Variants in DPY19L2 observed in about 807,000 individuals in gnomAD.
DPY19L2 encodes the protein probable C-mannosyltransferase DPY19L2.
A neutral mutation model predicts 97.9 loss-of-function variants in DPY19L2; 34 were observed. That is an observed-to-expected ratio of 0.35 (90% CI 0.26 to 0.46). The LOEUF (loss-of-function observed/expected upper bound fraction) is 0.46. Ranked by LOEUF, DPY19L2 falls within the 20% of genes least tolerant of loss-of-function variation. The pLI is 1.00. For synonymous variants in DPY19L2, 230 were observed against 307.9 expected (o/e 0.75, Z 2.65); for missense variants, 623 against 911.4 (o/e 0.68, Z 4.07).
At chr12:63,642,220 T>C (rs1892798463) in intron 6 of DPY19L2, among the ~76,000 whole-genome samples, 1 of 152,160 alleles carries the variant, frequency 6.6e-6, no homozygotes, top group East Asian at 1.9e-4. Context: ...TAAATATTTA[T>C]CAAATTAATG....
intron 11 of DPY19L2, among the ~76,000 whole-genome samples, chr12:63,611,757 A>C (rs2137687249): frequency 6.6e-6 from 1 of 152,204 alleles, no homozygotes; most frequent in African/African-American, 2.4e-5. Flanking sequence ...ACAAAAATAA[A>C]CATAGGCTCC....
intron 3 of DPY19L2, among the ~76,000 whole-genome samples, chr12:63,662,392 G>A (rs1167563789): frequency 2.6e-5 from 4 of 151,900 alleles, no homozygotes; most frequent in Non-Finnish European, 5.9e-5. Context: ...GGCAAAATAT[G>A]AATTCATAAA....
chr12:63,644,589 A>G (rs3857741), intron 5 of DPY19L2, 93 bp from the exon 6 acceptor site: 938,054 of 1,498,920 alleles, frequency 0.63, 295,311 homozygotes, highest in East Asian at 0.76. Context: ...TCAAGAGCTC[A>G]TGAATTTGCT....
intron 6 of DPY19L2, among the ~76,000 whole-genome samples, chr12:63,638,956 C>G (rs74422623): frequency 0.08 from 12,243 of 152,094 alleles, 775 homozygotes; most frequent in African/African-American, 0.17. Flanking sequence ...TCAAACTATA[C>G]TACAAGGCTA....
intron 6 of DPY19L2, among the ~76,000 whole-genome samples, chr12:63,638,313 C>T (rs1892103837): frequency 6.6e-6 from 1 of 152,162 alleles, no homozygotes; most frequent in Admixed American, 6.6e-5. Flanking sequence ...CAGGGTTGCC[C>T]TCTCTCACCA....
intron 1 of DPY19L2, among the ~76,000 whole-genome samples, chr12:63,666,145 TG>T (rs1278498125): frequency 2.6e-5 from 4 of 152,138 alleles, no homozygotes; most frequent in African/African-American, 9.7e-5. Flanking sequence ...TGGATGATTG[TG>T]ACCTTTTTTG....
intron 21 of DPY19L2, among the ~76,000 whole-genome samples, chr12:63,561,498 T>C (rs972733040): frequency 6.6e-6 from 1 of 152,134 alleles, no homozygotes; most frequent in African/African-American, 2.4e-5. Context: ...TTTTCTAGAA[T>C]TTCATATAAA....
intron 4 of DPY19L2, among the ~76,000 whole-genome samples, chr12:63,655,633 AG>A (rs1438943951): frequency 6.6e-6 from 1 of 151,990 alleles, no homozygotes; most frequent in Admixed American, 6.6e-5. Flanking sequence ...GGACCATATC[AG>A]GATCTGTGGC....
intron 13 of DPY19L2, among the ~76,000 whole-genome samples, chr12:63,599,424 T>C (rs946922018): frequency 2.6e-5 from 4 of 152,052 alleles, no homozygotes; most frequent in African/African-American, 4.8e-5. Context: ...CATGCAAAAC[T>C]AGCAATAAAT....
At chr12:63,664,386 C>T (rs1896079359) in intron 2 of DPY19L2, among the ~76,000 whole-genome samples, 1 of 151,892 alleles carries the variant, frequency 6.6e-6, no homozygotes, top group Non-Finnish European at 1.5e-5. Context: ...ATCTAAAATT[C>T]TTGTGGCTTT....
intron 8 of DPY19L2, 55 bp downstream of exon 8, chr12:63,623,985 T>G: frequency 7.1e-7 from 1 of 1,412,556 alleles, no homozygotes; most frequent in East Asian, 2.5e-5. Flanking sequence ...TTGAAGTATA[T>G]TTTAAGAAAC....
At chr12:63,562,624 A>C (rs1236750986) in intron 21 of DPY19L2, among the ~76,000 whole-genome samples, 1 of 152,154 alleles carries the variant, frequency 6.6e-6, no homozygotes, top group Non-Finnish European at 1.5e-5. Context: ...CCACTGGTGT[A>C]TGAGAGTTCT....
intron 11 of DPY19L2, among the ~76,000 whole-genome samples, chr12:63,611,941 G>A (rs1475567062): frequency 6.6e-6 from 1 of 151,778 alleles, no homozygotes; most frequent in East Asian, 1.9e-4. Context: ...CTAAATACAA[G>A]AAACATAAAG....
Position 63,612,806 on chromosome 12 carries a change from C to G in DPY19L2, c.1219-4131G>C, listed in dbSNP as rs1887235354. On this transcript the variant is annotated intron_variant, in intron 11 of 21. Coordinates refer to ENST00000324472, the MANE Select transcript of DPY19L2 (RefSeq NM_173812.5). ...AGACTGATCAGAAAAAAAAATAGAA[C>G]ACAAACATCTAATACCAGGAATGAA... 2.6e-5 allele frequency among the ~76,000 whole-genome samples: 4 copies of G among 151,252 alleles called. No homozygotes were observed. In the South Asian group the frequency reaches 6.2e-4, roughly 24 times the overall value.
At position 63,560,678 on chromosome 12, in the gene DPY19L2, C is replaced by T. The variant is rs1200876038; in HGVS notation, c.2127-16G>A. 1.2e-6 allele frequency: 2 copies of T among 1,612,492 alleles called. No individual in the cohort carries two copies. Among genetic ancestry groups the T allele is most frequent in the East Asian group, 2.2e-5 (1 of 44,796 alleles). ...GCAACCAGGCCTGAAAAAAGACAGA[C>T]ATATATATCCATATTAGAAATGTAT... On this transcript the variant is annotated splice_polypyrimidine_tract_variant and intron_variant, in intron 21 of 21. Coordinates refer to ENST00000324472, the MANE Select transcript of DPY19L2 (RefSeq NM_173812.5).
chr12:63,644,278 A>G (rs1051943538), intron 6 of DPY19L2, 125 bp downstream of exon 6: 93 of 1,309,076 alleles, frequency 7.1e-5, no homozygotes, highest in South Asian at 5.3e-5. Flanking sequence ...TGAAAAATCA[A>G]GTAAATCCAC....
At position 63,630,205 on chromosome 12, in the gene DPY19L2, T is replaced by C. The variant is rs543020273; in HGVS notation, c.804-3679A>G. ...AACATCATAATGACAGGATCAAATT[T>C]ACACATAACAATATTAACCTTAAAT... is the stretch of plus-strand genomic sequence containing the variant. On this transcript the variant is annotated intron_variant, in intron 6 of 21. Coordinates refer to ENST00000324472, the MANE Select transcript of DPY19L2 (RefSeq NM_173812.5). Among the ~76,000 whole-genome samples, 1,155 of 152,156 alleles carry C rather than the reference T, an allele frequency of 7.6e-3. 17 individuals carry two copies. Among genetic ancestry groups the C allele is most frequent in the African/African-American group, 0.025 (1,048 of 41,518 alleles).
chr12:63,614,125 G>C (rs1201304091), intron 11 of DPY19L2, among the ~76,000 whole-genome samples: 1 of 150,654 alleles, frequency 6.6e-6, no homozygotes, highest in African/African-American at 2.4e-5. Context: ...AGGAGTTGGA[G>C]GTTGCAGTGA....
chr12:63,596,142 A>C (rs181223350), intron 14 of DPY19L2, 105 bp from the exon 15 acceptor site: 32,499 of 908,818 alleles, frequency 0.036, 744 homozygotes, highest in Middle Eastern at 0.067. Context: ...TTAAAAGTAA[A>C]AGGTTAAATT....
Sources: gnomAD v4.1 joint callset for allele counts (sites outside exome capture counted in the v4.1 genomes callset) on GRCh38, gnomAD v4.1.1 for gene constraint, MANE v1.5 for transcripts, NCBI Gene and HGNC (gene_info 2026-07-23, HGNC 2026-07-21) for gene names.